Variants in SERINC1 observed in about 807,000 individuals in gnomAD.
SERINC1 encodes the protein serine incorporator 1.
SERINC1 carries 38 observed loss-of-function variants against 52.9 expected under a neutral mutation model. That is an observed-to-expected ratio of 0.72 (90% confidence interval 0.55 to 0.94). The LOEUF is 0.94. Among genes scored for constraint, SERINC1 ranks in the 40% least tolerant of loss-of-function variants. SERINC1 has a pLI of 0.00. For synonymous variants in SERINC1, 198 were observed against 183.1 expected (o/e 1.08, Z -0.66); for missense variants, 471 against 533.9 (o/e 0.88, Z 1.16).
intron 1 of SERINC1, among the ~76,000 whole-genome samples, chr6:122,459,071 A>C (rs2301511): frequency 0.15 from 23,371 of 152,202 alleles, 1,877 homozygotes; most frequent in East Asian, 0.25. Context: ...GATGAATACA[A>C]AAAATTCCGA....
chr6:122,458,792 A>G (rs1286049489), intron 1 of SERINC1, 111 bp from the exon 2 acceptor site: 70 of 768,602 alleles, frequency 9.1e-5, no homozygotes, highest in Non-Finnish European at 1.4e-4. Context: ...AAAAAGACTA[A>G]AAGTAATTAC....
intron 1 of SERINC1, 122 bp downstream of exon 1, chr6:122,471,577 G>C (rs987894531): frequency 2.0e-5 from 24 of 1,173,742 alleles, no homozygotes; most frequent in Non-Finnish European, 3.0e-5. Flanking sequence ...AACGGGGACA[G>C]AGAGGGCACT....
chr6:122,453,094 G>A (rs1166769488), intron 5 of SERINC1, among the ~76,000 whole-genome samples: 5 of 152,174 alleles, frequency 3.3e-5, no homozygotes, highest in Admixed American at 1.3e-4. Flanking sequence ...ATGCACTTTA[G>A]ATGGGGCATT....
rs545382560 is a variant in SERINC1, at chr6:122,454,972, A to G, written c.372-742T>C. ...TTTCCATTCTCCTTTATCATGTGAC[A>G]TAAGATTTACTGACTTCACATCAGC... On this transcript the variant is annotated intron_variant, in intron 3 of 9. Transcript: ENST00000339697. 4.6e-5 allele frequency among the ~76,000 whole-genome samples: 7 copies of G among 152,330 alleles called. No individual in the cohort carries two copies. The South Asian group carries it at 8.3e-4, about 18-fold the overall frequency.
chr6:122,453,789 G>A lies in SERINC1; in HGVS notation c.570C>T (p.Asn190=). Residue 190 remains asparagine, a synonymous_variant, in exon 5 of 10, where the codon AAC becomes AAT. Transcript: ENST00000339697. ...GCTTACCTGCATACCAACATCTCGAGTTCCCTTCTTCCATTTTTTCAACCC... is the reference window on the plus strand; with the variant it reads ...GCTTACCTGCATACCAACATCTCGAATTCCCTTCTTCCATTTTTTCAACCC... ...ESWVEKMEEG[N]SRCWYAALLS... 1 of 1,606,330 alleles carries A rather than the reference G, an allele frequency of 6.2e-7. No individual in the cohort carries two copies. The highest frequency in any genetic ancestry group is 2.2e-5 in the East Asian group (1 of 44,706).
intron 7 of SERINC1, among the ~76,000 whole-genome samples, chr6:122,450,827 G>A (rs1478136370): frequency 6.6e-6 from 1 of 152,204 alleles, no homozygotes; most frequent in Non-Finnish European, 1.5e-5. Flanking sequence ...ACCTGAAGAT[G>A]TGACTGAATT....
rs777356545 is a variant in SERINC1 at position 122,447,258 on chromosome 6, A to G, written c.858T>C (p.Asn286=). 7 of 1,606,102 alleles carry G rather than the reference A, an allele frequency of 4.4e-6. No homozygotes were observed. The highest frequency in any genetic ancestry group is 6.0e-6 in the Non-Finnish European group (7 of 1,176,202). The part of the protein sequence containing the change: ...WSAMTNEPET[N]CNPSLLSIIG... ...TTATGCTTAGTAGACTTGGGTTGCA[A>G]TTTGTTTCTGTAATATAAAGCCAAA... Residue 286 remains asparagine (N), a synonymous_variant, in exon 8 of 10, where the codon AAT becomes AAC. Transcript: ENST00000339697.
chr6:122,460,020 C>A (rs1273867189), intron 1 of SERINC1, among the ~76,000 whole-genome samples: 1 of 152,154 alleles, frequency 6.6e-6, no homozygotes, highest in East Asian at 1.9e-4. Context: ...GTAAAGCCAG[C>A]AATTTCTAAG....
In SERINC1 at chr6:122,445,171, G is replaced by A. The variant is rs758078937; in HGVS notation, c.1235C>T (p.Pro412Leu). ...CCACTGACTTTTCATCTCACGAGAGGGTTCATACCTAAAATTTCAGGGAAA... is the reference window on the plus strand; with the variant it reads ...CCACTGACTTTTCATCTCACGAGAGAGTTCATACCTAAAATTTCAGGGAAA... ...MTLTNWYRYE[P>L]SREMKSQWTA... Residue 412 changes from proline to leucine, a missense_variant, in exon 10 of 10, where the codon CCC (proline) becomes CTC (leucine). Coordinates refer to ENST00000339697, the MANE Select transcript of SERINC1 (RefSeq NM_020755.4). 6.2e-7 allele frequency: 1 copy of A among 1,609,634 alleles called. No individual in the cohort carries two copies. The highest frequency in any genetic ancestry group is 1.1e-5 in the South Asian group (1 of 89,796).
At chr6:122,466,243 G>A (rs78836878) in intron 1 of SERINC1, among the ~76,000 whole-genome samples, 1 of 152,154 alleles carries the variant, frequency 6.6e-6, no homozygotes, top group South Asian at 2.1e-4. Flanking sequence ...GCAAGACTAG[G>A]TGAAACAGAG....
chr6:122,458,647 A>G lies in SERINC1; in HGVS notation c.74T>C (p.Leu25Pro), dbSNP rs1484232020. The change falls in exon 2 of 10, where the codon CTA becomes CCA. Residue 25 changes from leucine (L) to proline (P), a missense_variant. By Grantham distance (98) the Leu-to-Pro change is moderately conservative (BLOSUM62 -3). Coordinates refer to ENST00000339697, the MANE Select transcript of SERINC1 (RefSeq NM_020755.4). The stretch of plus-strand genomic sequence containing the variant: ...GTTTCCACTAGGACAGCATCGGCAT[A>G]GCAAACACGGGGCACTTCCACACAA... ...PCLCGSAPCL[L>P]CRCCPSGNNS... 6 of 1,609,222 alleles carry G rather than the reference A, an allele frequency of 3.7e-6. No homozygotes were observed. The African/African-American group carries it at 4.0e-5, about 11-fold the overall frequency.
intron 1 of SERINC1, 21 bp from the exon 2 acceptor site, chr6:122,458,702 G>C: frequency 1.3e-6 from 2 of 1,509,660 alleles, no homozygotes; most frequent in Non-Finnish European, 1.8e-6. Flanking sequence ...GAATATTATT[G>C]AAAATATTAT....
Position 122,450,858 on chromosome 6 carries a change from C to T in SERINC1, c.850+806G>A, listed in dbSNP as rs182344201. On this transcript the variant is annotated intron_variant, in intron 7 of 9. Transcript: ENST00000339697. Reference sequence around the variant, plus strand: ...GAATTGCTGCAATTTCATTATCAAGCCTGAATGATGAGGTGTTGCTTCTTA... The same window carrying T: ...GAATTGCTGCAATTTCATTATCAAGTCTGAATGATGAGGTGTTGCTTCTTA... Among the ~76,000 whole-genome samples the T allele has an allele frequency of 5.1e-4, 78 of 152,150 alleles. No individual in the cohort carries two copies. The Middle Eastern group carries it at 0.024, about 46-fold the overall frequency.
intron 1 of SERINC1, among the ~76,000 whole-genome samples, chr6:122,462,752 GA>G (rs1775126081): frequency 6.6e-6 from 1 of 152,044 alleles, no homozygotes; most frequent in Non-Finnish European, 1.5e-5. Context: ...AAAACAAAAA[GA>G]AAATAGTTAT....
rs191473296 is a variant in SERINC1 at position 122,457,886 on chromosome 6, A to T, written c.201+634T>A. Among the ~76,000 whole-genome samples, 111 of 151,858 alleles carry T rather than the reference A, an allele frequency of 7.3e-4. 1 individual carries two copies. The East Asian group carries it at 0.02, about 28-fold the overall frequency. ...GAAACTAAATTTATTATGTGTTCCCAATCTCCTTCCACAACCTGACTCTCT... is the reference window on the plus strand; with the variant it reads ...GAAACTAAATTTATTATGTGTTCCCTATCTCCTTCCACAACCTGACTCTCT... On this transcript the variant is annotated intron_variant, in intron 2 of 9. Coordinates refer to ENST00000339697, the MANE Select transcript of SERINC1 (RefSeq NM_020755.4).
At position 122,447,280 on chromosome 6, in the gene SERINC1, C is replaced by A; in HGVS notation, c.851-15G>T. The A allele has an allele frequency of 6.3e-7, 1 of 1,583,732 alleles. No homozygotes were observed. Among genetic ancestry groups the A allele is most frequent in the Non-Finnish European group, 8.7e-7 (1 of 1,154,908 alleles). On this transcript the variant is annotated splice_polypyrimidine_tract_variant and intron_variant, in intron 7 of 9. Transcript: ENST00000339697. The stretch of plus-strand genomic sequence containing the variant: ...GCAATTTGTTTCTGTAATATAAAGC[C>A]AAATTAAAATGTTAGAATATATTAA...
chr6:122,456,527 T>G lies in SERINC1; in HGVS notation c.325A>C (p.Ile109Leu). Residue 109 changes from isoleucine to leucine, a missense_variant, in exon 3 of 10, where the codon ATC becomes CTC. Transcript: ENST00000339697. Reference protein sequence around the residue: ...MFYLLLSLLMIKVKSSSDPRA... With the variant: ...MFYLLLSLLMLKVKSSSDPRA... ...GGATCACTGCTACTCTTCACTTTGA[T>G]CATTAGTAAAGAGAGAAGAAGATAG... 6.2e-7 allele frequency: 1 copy of G among 1,610,826 alleles called. No individual in the cohort carries two copies. Among genetic ancestry groups the G allele is most frequent in the Non-Finnish European group, 8.5e-7 (1 of 1,178,528 alleles).
chr6:122,462,159 T>C (rs1281681583), intron 1 of SERINC1, among the ~76,000 whole-genome samples: 3 of 152,154 alleles, frequency 2.0e-5, no homozygotes, highest in South Asian at 2.1e-4. Flanking sequence ...GAAAAACCAT[T>C]TGACAAAATT....
Position 122,453,829 on chromosome 6 carries a change from G to C in SERINC1, c.530C>G (p.Ser177Ter), listed in dbSNP as rs1293023417. ...QLVLLIDFAH[S>*]WNESWVEKME... The stretch of plus-strand genomic sequence containing the variant: ...TTTTTCAACCCACGATTCATTCCAT[G>C]AATGTGCAAAATCAATAAGTAAGAC... Residue 177 changes from serine (S) to a stop codon, truncating the protein, a stop_gained, in exon 5 of 10, where the codon TCA becomes TGA. Coordinates refer to ENST00000339697, the MANE Select transcript of SERINC1 (RefSeq NM_020755.4). LOFTEE classifies it high-confidence loss of function. 2 of 1,609,968 alleles carry C rather than the reference G, an allele frequency of 1.2e-6. No homozygotes were observed. Among genetic ancestry groups the C allele is most frequent in the Non-Finnish European group, 1.7e-6 (2 of 1,177,216 alleles).
Sources: gnomAD v4.1 joint callset for allele counts (sites outside exome capture counted in the v4.1 genomes callset) on GRCh38, gnomAD v4.1.1 for gene constraint, MANE v1.5 for transcripts, NCBI Gene and HGNC (gene_info 2026-07-23, HGNC 2026-07-21) for gene names.